The following ATP9B variants were observed in gnomAD, a reference collection of about 807,000 sequenced individuals.
ATP9B encodes the protein probable phospholipid-transporting ATPase IIB.
In ATP9B, 110 loss-of-function variants were observed where a neutral mutation model predicts 146.1. The observed-to-expected ratio is 0.75, with a 90% CI of 0.65 to 0.88. ATP9B has a LOEUF of 0.88. Ranked by LOEUF, ATP9B falls within the 40% of genes least tolerant of loss-of-function variation. The pLI, the probability that ATP9B is intolerant of heterozygous loss-of-function variation, is 0.00. For synonymous variants in ATP9B, 604 were observed against 569.7 expected, an observed-to-expected ratio of 1.06 and a Z score of -0.86; for missense variants, 1,499 against 1,496.4, an observed-to-expected ratio of 1.00 and a Z score of -0.03.
chr18:79,147,460 T>G (rs1025014655), intron 6 of ATP9B, among the ~76,000 whole-genome samples: 1 of 150,956 alleles, frequency 6.6e-6, no homozygotes, highest in Non-Finnish European at 1.5e-5. Context: ...CTCAACAAAT[T>G]GAAAAGAATT....
intron 11 of ATP9B, among the ~76,000 whole-genome samples, chr18:79,244,301 G>C (rs2095919437): frequency 6.6e-6 from 1 of 152,120 alleles, no homozygotes; most frequent in Non-Finnish European, 1.5e-5. Flanking sequence ...CTTGTGGAAA[G>C]GAATGGTCCC....
intron 15 of ATP9B, among the ~76,000 whole-genome samples, chr18:79,328,576 T>C (rs1440254005): frequency 6.6e-6 from 1 of 152,194 alleles, no homozygotes; most frequent in Non-Finnish European, 1.5e-5. Flanking sequence ...AGTTCCGACT[T>C]TCACACTTGG....
chr18:79,356,602 G>A (rs1403226254), intron 25 of ATP9B, among the ~76,000 whole-genome samples: 1 of 152,224 alleles, frequency 6.6e-6, no homozygotes, highest in Non-Finnish European at 1.5e-5. Context: ...CCAGAGAATT[G>A]CGCTGTGTAA....
At chr18:79,231,231 C>A (rs553077695) in intron 11 of ATP9B, among the ~76,000 whole-genome samples, 17 of 152,096 alleles carry the variant, frequency 1.1e-4, no homozygotes, top group African/African-American at 3.6e-4. Context: ...GGAAGAAAAT[C>A]TTCACAACCT....
At chr18:79,216,459 T>C (rs1296547408) in intron 11 of ATP9B, among the ~76,000 whole-genome samples, 1 of 152,228 alleles carries the variant, frequency 6.6e-6, no homozygotes, top group Non-Finnish European at 1.5e-5. Context: ...ACGTTGCTCT[T>C]AGGAAAGTAC....
At chr18:79,310,956 G>T (rs1265563244) in intron 15 of ATP9B, among the ~76,000 whole-genome samples, 2 of 151,804 alleles carry the variant, frequency 1.3e-5, no homozygotes, top group African/African-American at 4.8e-5. Context: ...TTTGAGGCCA[G>T]CCTGGCCAAC....
rs943454512 is a variant in ATP9B, at chr18:79,294,400, A to G, written c.1412-9204A>G. ...GGAAGGACGCTCCCTGCGCTGCAGC[A>G]GTCTCCACGGAACCTTGCCTCGCCA... is the stretch of plus-strand genomic sequence containing the variant. On this transcript the variant is annotated intron_variant, in intron 13 of 29. Coordinates refer to ENST00000426216, the MANE Select transcript of ATP9B (RefSeq NM_198531.5). 2.0e-5 allele frequency among the ~76,000 whole-genome samples: 3 copies of G among 152,252 alleles called. No individual in the cohort carries two copies. The South Asian group carries it at 6.2e-4, about 31-fold the overall frequency.
Position 79,348,262 on chromosome 18 carries a change from AAAAAAAAC to A in ATP9B, c.2903+73_2903+80del, listed in dbSNP as rs1253991462. The stretch of plus-strand genomic sequence containing the variant: ...ACTTCTATTTTGAAAAAAAAAAAAA[AAAAAAAAC>A]AAAAAACGTATATAGAAGATTCTTG... On this transcript the variant is annotated intron_variant, in intron 25 of 29. Coordinates refer to ENST00000426216, the MANE Select transcript of ATP9B (RefSeq NM_198531.5). 4.0e-5 allele frequency: 54 copies of A among 1,338,536 alleles called. 1 individual carries two copies. The African/African-American group carries it at 4.5e-4, about 11-fold the overall frequency. 82.9% of individuals were successfully genotyped at this position (1,338,536 alleles called of 1,614,324 possible). A position where few individuals can be genotyped will look rare whatever the true frequency, so the allele number is the denominator to read the frequency against.
intron 19 of ATP9B, among the ~76,000 whole-genome samples, chr18:79,341,257 G>A (rs919663511): frequency 6.7e-6 from 1 of 149,888 alleles, no homozygotes; most frequent in East Asian, 2.0e-4. Flanking sequence ...GGTTGGATGT[G>A]TGTAGCGTGA....
intron 25 of ATP9B, among the ~76,000 whole-genome samples, chr18:79,351,316 G>A (rs1291446827): frequency 6.6e-5 from 10 of 152,306 alleles, no homozygotes; most frequent in South Asian, 2.1e-4. Context: ...GCTCTGCAGC[G>A]TCCCCAGCTC....
chr18:79,317,993 A>G (rs2096691437), intron 15 of ATP9B, among the ~76,000 whole-genome samples: 1 of 152,282 alleles, frequency 6.6e-6, no homozygotes, highest in Non-Finnish European at 1.5e-5. Context: ...CCCTGTGGTG[A>G]ATGCTGGAAC....
chr18:79,326,621 A>G (rs2096748654), intron 15 of ATP9B, among the ~76,000 whole-genome samples: 1 of 152,140 alleles, frequency 6.6e-6, no homozygotes, highest in Non-Finnish European at 1.5e-5. Context: ...TCATCTCTGC[A>G]CACTCCGTCC....
rs889730129 is a variant in ATP9B, at chr18:79,098,051, A to G, written c.293+1402A>G. Reference sequence around the variant, plus strand: ...TGTACCAAAACAGAGATATAGATCAATGGAACAGAACAGAGCCCTCAGAAA... The same window carrying G: ...TGTACCAAAACAGAGATATAGATCAGTGGAACAGAACAGAGCCCTCAGAAA... On this transcript the variant is annotated intron_variant, in intron 2 of 29. Transcript: ENST00000426216. Among the ~76,000 whole-genome samples, 3 of 151,928 alleles carry G rather than the reference A, an allele frequency of 2.0e-5. No homozygotes were observed. In the East Asian group the frequency reaches 5.9e-4, roughly 30 times the overall value.
intron 13 of ATP9B, among the ~76,000 whole-genome samples, chr18:79,299,154 T>C (rs142351732): frequency 9.9e-5 from 15 of 151,854 alleles, no homozygotes; most frequent in Admixed American, 1.3e-4. Context: ...CTTAGAATAA[T>C]GCCTCAGTTA....
intron 20 of ATP9B, chr18:79,343,840 G>A (rs2096871646): frequency 3.8e-6 from 1 of 264,234 alleles, no homozygotes; most frequent in Non-Finnish European, 7.3e-6. Flanking sequence ...CTGTTGCTCT[G>A]TTAAATAATC....
rs901130977 is a variant in ATP9B at position 79,181,002 on chromosome 18, G to C, written c.873+4095G>C. On this transcript the variant is annotated intron_variant, in intron 8 of 29. Transcript: ENST00000426216. ...TTTTTTTTTTTTTAAGTGGAGACGG[G>C]GTTTCACCATGTTGGCCAAGCTGGT... Among the ~76,000 whole-genome samples, 14 of 151,744 alleles carry C rather than the reference G, an allele frequency of 9.2e-5. 1 individual carries two copies. Among genetic ancestry groups the C allele is most frequent in the Admixed American group, 7.9e-4 (12 of 15,254 alleles).
chr18:79,128,570 A>G (rs553090586), intron 5 of ATP9B, among the ~76,000 whole-genome samples: 42 of 152,288 alleles, frequency 2.8e-4, no homozygotes, highest in South Asian at 1.2e-3. Flanking sequence ...AGTATTGGAG[A>G]AAAAAACCCC....
intron 13 of ATP9B, among the ~76,000 whole-genome samples, chr18:79,291,374 TC>T (rs1293582298): frequency 2.0e-5 from 3 of 152,216 alleles, no homozygotes; most frequent in Non-Finnish European, 4.4e-5. Context: ...GTTGTAGAAA[TC>T]ATCAGTGTTT....
At chr18:79,143,748 A>T (rs2094542548) in intron 5 of ATP9B, 54 bp from the exon 6 acceptor site, 1 of 1,143,926 alleles carries the variant, frequency 8.7e-7, no homozygotes, top group African/African-American at 1.6e-5. Flanking sequence ...TTGAAAGTTG[A>T]ACTTGGGTGT....
Sources: gnomAD v4.1 joint callset for allele counts (sites outside exome capture counted in the v4.1 genomes callset) on GRCh38, gnomAD v4.1.1 for gene constraint, MANE v1.5 for transcripts, NCBI Gene and HGNC (gene_info 2026-07-23, HGNC 2026-07-21) for gene names.